The following CNTNAP2 variants were observed in gnomAD, a reference collection of about 807,000 sequenced individuals.
The protein encoded by CNTNAP2 is contactin-associated protein-like 2.
In CNTNAP2, 98 loss-of-function variants were observed where a neutral mutation model predicts 155.2. The observed-to-expected ratio is 0.63, with a 90% confidence interval of 0.54 to 0.75. CNTNAP2 has a LOEUF of 0.75. Among genes scored for constraint, CNTNAP2 ranks in the 30% least tolerant of loss-of-function variants. The pLI, the probability that CNTNAP2 is intolerant of heterozygous loss-of-function variation, is 0.00. For missense variants in CNTNAP2, 1,727 were observed against 1,688.1 expected (o/e 1.02, Z -0.40); for synonymous variants, 651 against 631.2 (o/e 1.03, Z -0.47).
At chr7:147,114,302 G>A (rs1468884785) in intron 5 of CNTNAP2, among the ~76,000 whole-genome samples, 1 of 152,100 alleles carries the variant, frequency 6.6e-6, no homozygotes, top group East Asian at 1.9e-4. Context: ...TTGGGATGGA[G>A]AATTCTGTAT....
At chr7:147,514,017 G>T (rs1026569459) in intron 11 of CNTNAP2, among the ~76,000 whole-genome samples, 9 of 152,126 alleles carry the variant, frequency 5.9e-5, no homozygotes, top group Admixed American at 2.0e-4. Flanking sequence ...TCAGATCTCT[G>T]CTGGAAATGA....
intron 14 of CNTNAP2, among the ~76,000 whole-genome samples, chr7:147,934,018 T>C (rs1296435964): frequency 6.6e-6 from 1 of 152,096 alleles, no homozygotes; most frequent in Non-Finnish European, 1.5e-5. Flanking sequence ...ATCAAACTCA[T>C]AGAAGCAAAG....
intron 1 of CNTNAP2, among the ~76,000 whole-genome samples, chr7:146,490,610 G>T (rs1797124295): frequency 6.6e-6 from 1 of 152,134 alleles, no homozygotes; most frequent in Non-Finnish European, 1.5e-5. Context: ...TATATGTAAG[G>T]TTCTGTAGTA....
At chr7:148,379,522 A>G (rs575512805) in intron 21 of CNTNAP2, among the ~76,000 whole-genome samples, 161 of 152,068 alleles carry the variant, frequency 1.1e-3, no homozygotes, top group African/African-American at 3.7e-3. Flanking sequence ...TGGGTAACAT[A>G]ACAAAACCCC....
At chr7:147,719,589 C>G (rs894855911) in intron 13 of CNTNAP2, among the ~76,000 whole-genome samples, 2 of 151,986 alleles carry the variant, frequency 1.3e-5, no homozygotes, top group African/African-American at 4.8e-5. Flanking sequence ...CACTGGTAAA[C>G]AGCGTAACTG....
chr7:147,145,292 G>A lies in CNTNAP2; in HGVS notation c.1348+12783G>A, dbSNP rs1289838012. Among the ~76,000 whole-genome samples the A allele has an allele frequency of 6.6e-4, 100 of 152,084 alleles. 2 individuals carry two copies. The highest frequency in any genetic ancestry group is 2.2e-4 in the Non-Finnish European group (15 of 68,016). ...AGCTAGGAGTGATTTTGACCCCCAGGGGATATTTGGCAATACCTGGAGACA... is the reference window on the plus strand; with the variant it reads ...AGCTAGGAGTGATTTTGACCCCCAGAGGATATTTGGCAATACCTGGAGACA... On this transcript the variant is annotated intron_variant, in intron 8 of 23. Coordinates refer to ENST00000361727, the MANE Select transcript of CNTNAP2 (RefSeq NM_014141.6).
chr7:146,121,586 T>C (rs1272769725), intron 1 of CNTNAP2, among the ~76,000 whole-genome samples: 1 of 152,188 alleles, frequency 6.6e-6, no homozygotes, highest in Non-Finnish European at 1.5e-5. Context: ...ATTTGTGAAG[T>C]GCTTTACTTT....
chr7:148,172,817 C>T lies in CNTNAP2; in HGVS notation c.3010+339C>T, dbSNP rs142257993. Among the ~76,000 whole-genome samples the T allele has an allele frequency of 5.6e-3, 852 of 152,226 alleles. 6 individuals are homozygous for T. Among genetic ancestry groups the T allele is most frequent in the African/African-American group, 0.019 (799 of 41,532 alleles). On this transcript the variant is annotated intron_variant, in intron 18 of 23. Transcript: ENST00000361727. The stretch of plus-strand genomic sequence containing the variant: ...AGGGGAATCAGGCCTGACCCTCCCA[C>T]GTTAGGATCTCCAATAGATCAATTG...
chr7:147,679,148 A>G (rs1795912404), intron 13 of CNTNAP2, among the ~76,000 whole-genome samples: 1 of 151,938 alleles, frequency 6.6e-6, no homozygotes, highest in African/African-American at 2.4e-5. Flanking sequence ...AGAGTGATAT[A>G]TGAGTGTGAT....
At chr7:146,310,439 G>A (rs146300278) in intron 1 of CNTNAP2, among the ~76,000 whole-genome samples, 16 of 152,134 alleles carry the variant, frequency 1.1e-4, no homozygotes, top group East Asian at 7.7e-4. Flanking sequence ...TGCATTGTGC[G>A]TGGATAGAGC....
At position 148,228,965 on chromosome 7, in the gene CNTNAP2, G is replaced by A. The variant is rs1042588695; in HGVS notation, c.3248-681G>A. ...ATTTTTTTATTTCACATAGTGTTTC[G>A]TGGGACCTGCAGATGTCTCCTCCCT... On this transcript the variant is annotated intron_variant, in intron 19 of 23. Transcript: ENST00000361727. 5.9e-5 allele frequency among the ~76,000 whole-genome samples: 9 copies of A among 151,800 alleles called. No individual in the cohort carries two copies. The East Asian group carries it at 1.7e-3, about 29-fold the overall frequency.
chr7:147,637,534 G>C (rs6979463), intron 12 of CNTNAP2, among the ~76,000 whole-genome samples: 54,273 of 151,818 alleles, frequency 0.36, 11,011 homozygotes, highest in African/African-American at 0.54. Flanking sequence ...CTTGCGCTCT[G>C]TCTCTCTCTC....
At chr7:147,339,603 T>C (rs990504259) in intron 9 of CNTNAP2, among the ~76,000 whole-genome samples, 1 of 151,998 alleles carries the variant, frequency 6.6e-6, no homozygotes, top group Non-Finnish European at 1.5e-5. Flanking sequence ...GTACTAAAAA[T>C]AAAATATTCA....
chr7:147,804,781 T>C (rs1798063819), intron 13 of CNTNAP2, among the ~76,000 whole-genome samples: 1 of 152,170 alleles, frequency 6.6e-6, no homozygotes, highest in African/African-American at 2.4e-5. Context: ...CTCAAACTCC[T>C]GACCTCAAAT....
At chr7:147,704,078 A>T (rs1796275227) in intron 13 of CNTNAP2, among the ~76,000 whole-genome samples, 1 of 152,156 alleles carries the variant, frequency 6.6e-6, no homozygotes, top group African/African-American at 2.4e-5. Context: ...GCACAGCAGT[A>T]ATTGCGGTTT....
chr7:146,641,201 C>G (rs1276164158), intron 1 of CNTNAP2, among the ~76,000 whole-genome samples: 1 of 152,130 alleles, frequency 6.6e-6, no homozygotes, highest in Non-Finnish European at 1.5e-5. Flanking sequence ...GTGGCGGGGG[C>G]CTGTAGTCCC....
At chr7:146,437,383 C>G (rs1438579455) in intron 1 of CNTNAP2, among the ~76,000 whole-genome samples, 5 of 151,304 alleles carry the variant, frequency 3.3e-5, no homozygotes, top group Admixed American at 6.6e-5. Flanking sequence ...GGGTTATACA[C>G]TATTATAACA....
chr7:147,081,902 C>T, intron 4 of CNTNAP2: 1 of 152,122 alleles, frequency 6.6e-6, no homozygotes, highest in South Asian at 2.1e-4. Flanking sequence ...AGAAGGAAAT[C>T]AAATGAGACG....
At chr7:147,454,329 T>C (rs1331299517) in intron 10 of CNTNAP2, among the ~76,000 whole-genome samples, 1 of 152,202 alleles carries the variant, frequency 6.6e-6, no homozygotes, top group Non-Finnish European at 1.5e-5. Context: ...GTAAACTATG[T>C]GTTCAGCCAA....
Sources: gnomAD v4.1 joint callset for allele counts (sites outside exome capture counted in the v4.1 genomes callset) on GRCh38, gnomAD v4.1.1 for gene constraint, MANE v1.5 for transcripts, NCBI Gene and HGNC (gene_info 2026-07-23, HGNC 2026-07-21) for gene names.